Variants in BRWD3 observed in about 807,000 individuals in gnomAD.
BRWD3 encodes the protein bromodomain and WD repeat domain containing 3.
In BRWD3, 10 loss-of-function variants were observed where a neutral mutation model predicts 149.7. The observed-to-expected ratio is 0.07, with a 90% confidence interval of 0.04 to 0.11. The LOEUF is 0.11. Ranked by LOEUF, BRWD3 falls within the 10% of genes least tolerant of loss-of-function variation. BRWD3 has a pLI of 1.00. For missense variants in BRWD3, 940 were observed against 1,373.2 expected, an observed-to-expected ratio of 0.68 and a Z score of 4.99; for synonymous variants, 504 against 456.7, an observed-to-expected ratio of 1.10 and a Z score of -1.32.
At chrX:80,686,424 A>AATAT (rs771659765) in intron 35 of BRWD3, among the ~76,000 whole-genome samples, 6 of 105,507 alleles carry the variant, frequency 5.7e-5, no homozygotes, top group Admixed American at 4.2e-4. Flanking sequence ...AGTATAATAA[A>AATAT]ATATATATAT....
At chrX:80,713,189 G>A (rs1194666670) in intron 20 of BRWD3, among the ~76,000 whole-genome samples, 1 of 111,133 alleles carries the variant, frequency 9.0e-6, no homozygotes, top group Non-Finnish European at 1.9e-5. Flanking sequence ...TCTGGGAGGT[G>A]TACCCAACAG....
intron 20 of BRWD3, among the ~76,000 whole-genome samples, chrX:80,712,490 G>A (rs1164104259): frequency 9.1e-6 from 1 of 109,885 alleles, no homozygotes; most frequent in Non-Finnish European, 1.9e-5. Context: ...GCGTGATCTC[G>A]GCTCGCTACA....
chrX:80,689,276 G>A (rs189312840), intron 33 of BRWD3, among the ~76,000 whole-genome samples: 62 of 111,374 alleles, frequency 5.6e-4, no homozygotes, highest in African/African-American at 1.9e-3. Flanking sequence ...AGGGTCTGCT[G>A]AGTACTACTT....
rs1304859490 is a variant in BRWD3 at position 80,671,879 on chromosome X, T to C, written c.*4730A>G. On this transcript the variant is annotated 3_prime_UTR_variant, in exon 41 of 41. Transcript: ENST00000373275. ...ATAAGTTACAGGACAAAGAAATAAA[T>C]TACTGATTGCCATCACCACAGTATT... The C allele has an allele frequency of 8.9e-6, 1 of 111,862 alleles. No individual in the cohort carries two copies. 9.2% of individuals were successfully genotyped at this position (111,862 alleles called of 1,213,427 possible).
At chrX:80,706,937 AGTT>A (rs1296051442) in intron 22 of BRWD3, among the ~76,000 whole-genome samples, 6 of 112,761 alleles carry the variant, frequency 5.3e-5, no homozygotes, top group Admixed American at 3.7e-4. Flanking sequence ...CCAGTAACAT[AGTT>A]GTTTATTAAG....
intron 37 of BRWD3, 45 bp from the exon 38 acceptor site, chrX:80,682,673 A>T (rs775579561): frequency 1.2e-5 from 13 of 1,128,439 alleles, no homozygotes; most frequent in African/African-American, 9.0e-5. Flanking sequence ...TTTATATTTT[A>T]AAAAAAGGTA....
intron 4 of BRWD3, among the ~76,000 whole-genome samples, chrX:80,806,840 C>T (rs2074352222): frequency 8.9e-6 from 1 of 112,193 alleles, no homozygotes; most frequent in South Asian, 3.6e-4. Context: ...GTAAAAATGT[C>T]TTTACAATAT....
chrX:80,726,733 T>C (rs900737136), intron 14 of BRWD3, among the ~76,000 whole-genome samples: 1 of 111,175 alleles, frequency 9.0e-6, no homozygotes, highest in African/African-American at 3.3e-5. Flanking sequence ...AAAGAAAATA[T>C]AACTTTAGAC....
intron 4 of BRWD3, among the ~76,000 whole-genome samples, chrX:80,795,609 G>A (rs980258686): frequency 1.8e-5 from 2 of 109,482 alleles, no homozygotes; most frequent in Middle Eastern, 4.8e-3. Flanking sequence ...GGCTGGGAAC[G>A]GTGGCTCATG....
chrX:80,754,005 C>G (rs2073705841), intron 6 of BRWD3, among the ~76,000 whole-genome samples: 1 of 111,893 alleles, frequency 8.9e-6, no homozygotes, highest in Non-Finnish European at 1.9e-5. Flanking sequence ...GCTATCTGCA[C>G]TCTTTTTGGT....
At chrX:80,719,429 G>T in intron 18 of BRWD3, 60 bp downstream of exon 18, 1 of 1,012,172 alleles carries the variant, frequency 9.9e-7, no homozygotes, top group Non-Finnish European at 1.3e-6. Flanking sequence ...TAATTATTTG[G>T]TAAAAGTAAA....
Position 80,809,607 on chromosome X carries a change from C to T in BRWD3, c.-136G>A. The T allele has an allele frequency of 2.2e-6, 1 of 461,142 alleles. No individual in the cohort carries two copies. Among genetic ancestry groups the T allele is most frequent in the East Asian group, 3.7e-5 (1 of 27,117 alleles). 38.0% of individuals were successfully genotyped at this position (461,142 alleles called of 1,213,427 possible). ...CGCCGCACTCCTCGTCCTAGTTTCG[C>T]TCTCTCTCGAATTCATCGCATCACG... On this transcript the variant is annotated 5_prime_UTR_variant, in exon 1 of 41. Coordinates refer to ENST00000373275, the MANE Select transcript of BRWD3 (RefSeq NM_153252.5).
intron 6 of BRWD3, among the ~76,000 whole-genome samples, chrX:80,749,011 C>T (rs944901806): frequency 1.8e-5 from 2 of 111,218 alleles, no homozygotes; most frequent in African/African-American, 3.3e-5. Context: ...GTGAGCCTTC[C>T]AAGATTACTC....
intron 6 of BRWD3, among the ~76,000 whole-genome samples, chrX:80,748,871 G>A (rs908457203): frequency 6.3e-5 from 7 of 110,297 alleles, no homozygotes; most frequent in African/African-American, 1.3e-4. Flanking sequence ...TTACCTCTCC[G>A]GGCTGTTTTT....
chrX:80,702,091 G>A (rs1386954604), intron 24 of BRWD3, among the ~76,000 whole-genome samples: 2 of 111,890 alleles, frequency 1.8e-5, no homozygotes, highest in Non-Finnish European at 3.8e-5. Flanking sequence ...GGATATCTAG[G>A]CAAGACAATG....
intron 6 of BRWD3, among the ~76,000 whole-genome samples, chrX:80,790,484 C>A (rs111681008): frequency 0.013 from 1,426 of 111,260 alleles, 32 homozygotes; most frequent in African/African-American, 0.044. Context: ...AAATAACATG[C>A]CAGATTTAAA....
intron 14 of BRWD3, among the ~76,000 whole-genome samples, chrX:80,726,670 T>C (rs746356101): frequency 6.4e-5 from 7 of 110,229 alleles, no homozygotes; most frequent in Non-Finnish European, 9.5e-5. Flanking sequence ...TTAAAAAAAA[T>C]AGAATAGAGT....
At chrX:80,716,110 A>G (rs779666955) in intron 20 of BRWD3, 47 bp downstream of exon 20, 6 of 1,036,549 alleles carry the variant, frequency 5.8e-6, no homozygotes, top group Non-Finnish European at 8.1e-6. Flanking sequence ...ATTATCTACA[A>G]ATATCTGCAA....
chrX:80,724,099 T>C (rs1317176768), intron 15 of BRWD3, among the ~76,000 whole-genome samples: 1 of 111,789 alleles, frequency 8.9e-6, no homozygotes, highest in East Asian at 2.8e-4. Flanking sequence ...AGCAAGGACA[T>C]ACCTCATGAA....
Sources: gnomAD v4.1 joint callset for allele counts (sites outside exome capture counted in the v4.1 genomes callset) on GRCh38, gnomAD v4.1.1 for gene constraint, MANE v1.5 for transcripts, NCBI Gene and HGNC (gene_info 2026-07-23, HGNC 2026-07-21) for gene names.